CDH4: variants seen among roughly 807,000 people sequenced by gnomAD.
The protein encoded by CDH4 is cadherin 4, also known as cadherin-4.
In CDH4, 33 loss-of-function variants were observed where a neutral mutation model predicts 86.0. The ratio of observed to expected loss-of-function variants is 0.38; its 90% CI spans 0.29 to 0.51. The LOEUF is 0.51. Among genes scored for constraint, CDH4 ranks in the 20% least tolerant of loss-of-function variants. CDH4 has a pLI of 0.86. For missense variants in CDH4, 1,114 were observed against 1,307.4 expected (o/e 0.85, Z 2.28); for synonymous variants, 555 against 549.4 (o/e 1.01, Z -0.14).
chr20:61,839,561 CAT>C (rs760295675), intron 4 of CDH4, among the ~76,000 whole-genome samples: 3 of 147,656 alleles, frequency 2.0e-5, no homozygotes, highest in East Asian at 4.1e-4. Context: ...GTTGTGTGTG[CAT>C]ATGTGCATGT....
At chr20:61,355,250 A>G (rs1179411185) in intron 2 of CDH4, among the ~76,000 whole-genome samples, 1 of 152,222 alleles carries the variant, frequency 6.6e-6, no homozygotes, top group Admixed American at 6.5e-5. Flanking sequence ...GGTGACCAAG[A>G]AAGCAAAACA....
intron 9 of CDH4, among the ~76,000 whole-genome samples, chr20:61,921,694 G>A (rs951708987): frequency 1.1e-4 from 17 of 150,640 alleles, no homozygotes; most frequent in Non-Finnish European, 2.1e-4. Context: ...AGAGGTTGCA[G>A]TGAGCCGAGA....
chr20:61,591,093 A>G (rs1257039595), intron 2 of CDH4, among the ~76,000 whole-genome samples: 2 of 152,176 alleles, frequency 1.3e-5, no homozygotes, highest in Admixed American at 1.3e-4. Context: ...GGCTGGATCC[A>G]TTGATAAGTA....
At chr20:61,285,617 G>A (rs1033435375) in intron 2 of CDH4, among the ~76,000 whole-genome samples, 1 of 152,334 alleles carries the variant, frequency 6.6e-6, no homozygotes, top group Admixed American at 6.5e-5. Flanking sequence ...TAAAGGAAAT[G>A]AAACATTATT....
intron 2 of CDH4, among the ~76,000 whole-genome samples, chr20:61,610,605 T>A (rs1295876824): frequency 6.6e-6 from 1 of 152,106 alleles, no homozygotes; most frequent in African/African-American, 2.4e-5. Context: ...TCCTACCTCA[T>A]GTTCCCTGCA....
At chr20:61,561,253 C>G (rs2086214754) in intron 2 of CDH4, among the ~76,000 whole-genome samples, 1 of 152,276 alleles carries the variant, frequency 6.6e-6, no homozygotes, top group South Asian at 2.1e-4. Context: ...ACACAACCCA[C>G]TCCTGTAGGA....
intron 6 of CDH4, among the ~76,000 whole-genome samples, chr20:61,872,182 C>T (rs189210287): frequency 6.6e-6 from 1 of 152,326 alleles, no homozygotes; most frequent in African/African-American, 2.4e-5. Context: ...TCCAACAGGG[C>T]ATCTGTGTGC....
chr20:61,598,974 G>A (rs376863432), intron 2 of CDH4, among the ~76,000 whole-genome samples: 8 of 152,344 alleles, frequency 5.3e-5, no homozygotes, highest in East Asian at 3.9e-4. Context: ...GGGCTAACAC[G>A]AGTCCCTCAG....
At chr20:61,404,913 G>T (rs543821344) in intron 2 of CDH4, among the ~76,000 whole-genome samples, 2 of 152,220 alleles carry the variant, frequency 1.3e-5, no homozygotes, top group Admixed American at 6.5e-5. Flanking sequence ...AGCTGGGCAT[G>T]GTGGCACGTG....
chr20:61,346,902 C>G (rs2084682293), intron 2 of CDH4, among the ~76,000 whole-genome samples: 2 of 152,082 alleles, frequency 1.3e-5, no homozygotes, highest in Admixed American at 1.3e-4. Flanking sequence ...CGGGTGCCCC[C>G]CATCTGTCCC....
In CDH4 at chr20:61,754,556, C is replaced by A. The variant is rs1263193081; in HGVS notation, c.396+10767C>A. Among the ~76,000 whole-genome samples, 2 of 151,536 alleles carry A rather than the reference C, an allele frequency of 1.3e-5. No individual in the cohort carries two copies. Among genetic ancestry groups the A allele is most frequent in the Non-Finnish European group, 2.9e-5 (2 of 67,984 alleles). On this transcript the variant is annotated intron_variant, in intron 3 of 15. Transcript: ENST00000614565. The surrounding 1 kb of genome is among the most constrained non-coding windows in gnomAD (Gnocchi z 4.7). Reference sequence around the variant, plus strand: ...GAGGGATGAGGAACGGGTGCCATTCCAAGGGCAGCAGCACACAACAGGTGC... The same window carrying A: ...GAGGGATGAGGAACGGGTGCCATTCAAAGGGCAGCAGCACACAACAGGTGC...
At chr20:61,791,873 G>C (rs1040426630) in intron 4 of CDH4, among the ~76,000 whole-genome samples, 1 of 151,870 alleles carries the variant, frequency 6.6e-6, no homozygotes, top group African/African-American at 2.4e-5. Context: ...GGTCTGTGCG[G>C]TGAAAATATG....
At chr20:61,585,921 ATGATGG>A (rs1206247332) in intron 2 of CDH4, among the ~76,000 whole-genome samples, 7 of 148,392 alleles carry the variant, frequency 4.7e-5, no homozygotes, top group East Asian at 4.1e-4. Flanking sequence ...GATGCGGAGG[ATGATGG>A]TGATGGTGAT....
intron 3 of CDH4, among the ~76,000 whole-genome samples, chr20:61,763,258 C>T (rs2088659018): frequency 6.6e-6 from 1 of 151,554 alleles, no homozygotes; most frequent in Non-Finnish European, 1.5e-5. Context: ...GGGATGCTCG[C>T]TCTTCCTCAC....
intron 4 of CDH4, among the ~76,000 whole-genome samples, chr20:61,837,655 C>T (rs761703359): frequency 6.6e-6 from 1 of 152,100 alleles, no homozygotes; most frequent in Non-Finnish European, 1.5e-5. Context: ...GGTGAGGACA[C>T]ACAAGGCTGG....
chr20:61,258,421 G>A (rs1296695534), intron 2 of CDH4, among the ~76,000 whole-genome samples: 1 of 149,874 alleles, frequency 6.7e-6, no homozygotes, highest in Non-Finnish European at 1.5e-5. Flanking sequence ...GCCTCTCCCC[G>A]TTTCTCAGTT....
intron 6 of CDH4, 78 bp downstream of exon 6, chr20:61,852,976 G>T: frequency 6.8e-7 from 1 of 1,467,130 alleles, no homozygotes; most frequent in South Asian, 1.3e-5. Flanking sequence ...GCAGGGGAGG[G>T]CTGCTTAGTC....
chr20:61,346,674 G>T (rs2084680959), intron 2 of CDH4, among the ~76,000 whole-genome samples: 1 of 151,342 alleles, frequency 6.6e-6, no homozygotes, highest in Admixed American at 6.6e-5. Context: ...AACCCAGGAA[G>T]CGGAGGTTTC....
Position 61,929,862 on chromosome 20 carries a change from A to AG in CDH4, c.2239+23dup. ...TGCTGAGTGAGTGTGGCTGAGCACC[A>AG]GGGTGGGCAGGGGCATTGTGGGTAT... On this transcript the variant is annotated intron_variant, in intron 13 of 15. Coordinates refer to ENST00000614565, the MANE Select transcript of CDH4 (RefSeq NM_001794.5). 3 of 1,596,664 alleles carry AG rather than the reference A, an allele frequency of 1.9e-6. No individual in the cohort carries two copies. Among genetic ancestry groups the AG allele is most frequent in the African/African-American group, 1.3e-5 (1 of 74,776 alleles).
Sources: gnomAD v4.1 joint callset for allele counts (sites outside exome capture counted in the v4.1 genomes callset) on GRCh38, gnomAD v4.1.1 for gene constraint, Gnocchi (gnomAD v3.1) non-coding constraint, MANE v1.5 for transcripts, NCBI Gene and HGNC (gene_info 2026-07-23, HGNC 2026-07-21) for gene names.